Variants in EML1 observed in about 807,000 individuals in gnomAD.
EML1 encodes EMAP like 1.
Under a neutral mutation model 110.4 loss-of-function variants are expected in EML1, and 27 were observed. The observed-to-expected ratio is 0.24, with a 90% CI of 0.18 to 0.34. The LOEUF (loss-of-function observed/expected upper bound fraction) is 0.34. Among genes scored for constraint, EML1 ranks in the 10% least tolerant of loss-of-function variants. The pLI is 1.00. For missense variants in EML1, 741 were observed against 1,030.9 expected, an observed-to-expected ratio of 0.72 and a Z score of 3.85; for synonymous variants, 344 against 385.8, an observed-to-expected ratio of 0.89 and a Z score of 1.27.
intron 13 of EML1, among the ~76,000 whole-genome samples, chr14:99,913,530 A>C (rs2059981208): frequency 6.6e-6 from 1 of 152,236 alleles, no homozygotes; most frequent in Non-Finnish European, 1.5e-5. Context: ...AATTGTAAAA[A>C]GTAAAGAGAA....
At chr14:99,908,334 TTTTCTA>T (rs1003614815) in intron 10 of EML1, among the ~76,000 whole-genome samples, 7 of 152,238 alleles carry the variant, frequency 4.6e-5, no homozygotes, top group African/African-American at 1.7e-4. Context: ...TGACTGACCT[TTTTCTA>T]TTTCTATTTT....
chr14:99,771,674 T>C (rs1023990873), upstream of EML1, among the ~76,000 whole-genome samples: 1 of 152,148 alleles, frequency 6.6e-6, no homozygotes, highest in Non-Finnish European at 1.5e-5. Flanking sequence ...TAGCCAGGCA[T>C]GGTGGTGTGT....
intron 1 of EML1, among the ~76,000 whole-genome samples, chr14:99,753,631 C>G (rs1312086826): frequency 6.6e-6 from 1 of 152,152 alleles, no homozygotes; most frequent in African/African-American, 2.4e-5. Flanking sequence ...AGGTCCGTGT[C>G]TGCGTCTGCC....
intron 1 of EML1, among the ~76,000 whole-genome samples, chr14:99,843,336 C>A (rs1015306457): frequency 6.6e-6 from 1 of 152,164 alleles, no homozygotes; most frequent in East Asian, 1.9e-4. Flanking sequence ...GCACTAATTT[C>A]TAATTATTCA....
intron 17 of EML1, among the ~76,000 whole-genome samples, chr14:99,923,030 A>G (rs116167667): frequency 0.011 from 1,666 of 152,072 alleles, 25 homozygotes; most frequent in African/African-American, 0.038. Flanking sequence ...TGCAGCCTTG[A>G]CCTCAGGTCC....
intron 1 of EML1, among the ~76,000 whole-genome samples, chr14:99,764,509 T>G (rs10873509): frequency 6.6e-6 from 1 of 152,238 alleles, no homozygotes; most frequent in South Asian, 2.1e-4. Context: ...GCTCCCAGGT[T>G]TAGCGGATGC....
At chr14:99,819,581 G>A (rs560292419) in intron 1 of EML1, among the ~76,000 whole-genome samples, 3 of 152,330 alleles carry the variant, frequency 2.0e-5, no homozygotes, top group South Asian at 2.1e-4. Flanking sequence ...AAGTGCCAGC[G>A]TGCACGTGAA....
chr14:99,832,599 G>A (rs1035594463), intron 1 of EML1, among the ~76,000 whole-genome samples: 6 of 152,222 alleles, frequency 3.9e-5, no homozygotes, highest in Admixed American at 3.9e-4. Flanking sequence ...GTTTTAATTT[G>A]CATTTCCCTA....
intron 3 of EML1, chr14:99,875,042 ATC>A: frequency 1.9e-6 from 3 of 1,570,456 alleles, no homozygotes; most frequent in Non-Finnish European, 2.6e-6. Flanking sequence ...CATTGTTTCC[ATC>A]TCTGTTTTAA....
At chr14:99,807,066 C>T (rs562938169) in intron 1 of EML1, among the ~76,000 whole-genome samples, 22 of 152,130 alleles carry the variant, frequency 1.4e-4, no homozygotes, top group East Asian at 5.8e-4. Context: ...CGTTTGATGC[C>T]GTGAACGCCT....
At position 99,913,028 on chromosome 14, in the gene EML1, C is replaced by T. The variant is rs555147094; in HGVS notation, c.1495-1151C>T. ...CAAGAACTTTGTTTCTTCATCATAG[C>T]AAATTGTTCTTAATGGGTGTATTTT... On this transcript the variant is annotated intron_variant, in intron 13 of 21. Transcript: ENST00000262233. Among the ~76,000 whole-genome samples, 21 of 152,300 alleles carry T rather than the reference C, an allele frequency of 1.4e-4. No homozygotes were observed. The South Asian group carries it at 4.4e-3, about 32-fold the overall frequency.
chr14:99,862,060 T>C (rs568678946), intron 2 of EML1, among the ~76,000 whole-genome samples: 28 of 152,198 alleles, frequency 1.8e-4, no homozygotes, highest in Non-Finnish European at 3.5e-4. Context: ...TTACCCTGGC[T>C]CCTCAGCCTC....
rs563209623 is a variant in EML1, at chr14:99,865,916, A to C, written c.383+270A>C. Reference sequence around the variant, plus strand: ...TTACTTAAAGTTCTCTTTTGAAAAAACAAATGTTAGTATAACCTGGGTAAA... The same window carrying C: ...TTACTTAAAGTTCTCTTTTGAAAAACCAAATGTTAGTATAACCTGGGTAAA... On this transcript the variant is annotated intron_variant, in intron 3 of 21. Transcript: ENST00000262233. Among the ~76,000 whole-genome samples, 19 of 152,338 alleles carry C rather than the reference A, an allele frequency of 1.2e-4. 1 individual carries two copies. In the South Asian group the frequency reaches 3.9e-3, roughly 32 times the overall value.
At chr14:99,859,381 G>A (rs887639686) in intron 2 of EML1, among the ~76,000 whole-genome samples, 7 of 152,088 alleles carry the variant, frequency 4.6e-5, no homozygotes, top group African/African-American at 1.7e-4. Flanking sequence ...CACTTCCAGC[G>A]GGTTGGTAGG....
Position 99,745,359 on chromosome 14 carries a change from C to T in EML1, c.28+7499C>T, listed in dbSNP as rs531788716. Among the ~76,000 whole-genome samples, 66 of 152,292 alleles carry T rather than the reference C, an allele frequency of 4.3e-4. No individual in the cohort carries two copies. The South Asian group carries it at 8.5e-3, about 20-fold the overall frequency. On this transcript the variant is annotated intron_variant, in intron 1 of 10. Coordinates refer to the EML1 transcript ENST00000554479. ...GAGATCACAGGCATGAGCCATCATCCGGCCCCAAATGACTTTTAATGGTGG... is the reference window on the plus strand; with the variant it reads ...GAGATCACAGGCATGAGCCATCATCTGGCCCCAAATGACTTTTAATGGTGG...
intron 1 of EML1, among the ~76,000 whole-genome samples, chr14:99,797,624 G>A (rs958159520): frequency 6.6e-6 from 1 of 152,182 alleles, no homozygotes; most frequent in African/African-American, 2.4e-5. Context: ...AGAAGTGGGA[G>A]CAAGTAACAA....
At position 99,821,284 on chromosome 14, in the gene EML1, G is replaced by C. The variant is rs899636377; in HGVS notation, c.67+27741G>C. 2.0e-5 allele frequency among the ~76,000 whole-genome samples: 3 copies of C among 152,140 alleles called. No individual in the cohort carries two copies. In the East Asian group the frequency reaches 5.8e-4, roughly 29 times the overall value. On this transcript the variant is annotated intron_variant, in intron 1 of 21. Coordinates refer to ENST00000262233, the MANE Select transcript of EML1 (RefSeq NM_004434.3). ...AACATCTCAAAGTGTTGCGATTACA[G>C]GCTTGAGGCACCACGCCCAGCCTCT...
At chr14:99,854,623 C>G (rs2058870384) in intron 2 of EML1, among the ~76,000 whole-genome samples, 1 of 152,148 alleles carries the variant, frequency 6.6e-6, no homozygotes, top group Non-Finnish European at 1.5e-5. Flanking sequence ...TTCTCCTTTT[C>G]CTTTGATATT....
At chr14:99,885,914 A>T (rs975732360) in intron 4 of EML1, 14 of 455,638 alleles carry the variant, frequency 3.1e-5, no homozygotes, top group African/African-American at 2.6e-4. Flanking sequence ...CCCTCACCCA[A>T]GCCCTAGAAC....
Sources: allele counts gnomAD v4.1 joint callset (sites outside exome capture counted in the v4.1 genomes callset), GRCh38; gene constraint gnomAD v4.1.1; transcripts MANE v1.5; gene names NCBI Gene and HGNC (gene_info 2026-07-23, HGNC 2026-07-21).